The following PPARGC1B variants were observed in gnomAD, a reference collection of about 807,000 sequenced individuals.
PPARGC1B encodes peroxisome proliferator-activated receptor gamma coactivator 1-beta.
A neutral mutation model predicts 101.6 loss-of-function variants in PPARGC1B; 34 were observed. That is an observed-to-expected ratio of 0.33 (90% CI 0.25 to 0.45). The LOEUF is 0.45. Ranked by LOEUF, PPARGC1B falls within the 20% of genes least tolerant of loss-of-function variation. The pLI, the probability that PPARGC1B is intolerant of heterozygous loss-of-function variation, is 1.00. For missense variants in PPARGC1B, 1,234 were observed against 1,317.6 expected (o/e 0.94, Z 0.98); for synonymous variants, 548 against 539.3 (o/e 1.02, Z -0.22).
chr5:149,826,854 C>T lies in PPARGC1B; in HGVS notation c.434C>T (p.Ala145Val). 1.2e-6 allele frequency: 2 copies of T among 1,613,104 alleles called. No homozygotes were observed. Among genetic ancestry groups the T allele is most frequent in the Non-Finnish European group, 1.7e-6 (2 of 1,179,294 alleles). Reference sequence around the variant, plus strand: ...AGCCCTGCCCCGGAGAAGCCCTCGGCCCCAGCCCCTGAGGTGGACGAGCTC... The same window carrying T: ...AGCCCTGCCCCGGAGAAGCCCTCGGTCCCAGCCCCTGAGGTGGACGAGCTC... ...PPSPAPEKPS[A>V]PAPEVDELSL... Residue 145 changes from alanine to valine, a missense_variant, in exon 3 of 12, where the codon GCC becomes GTC. Ala to Val is a moderately conservative substitution (Grantham distance 64). Transcript: ENST00000309241.
intron 1 of PPARGC1B, among the ~76,000 whole-genome samples, chr5:149,749,404 T>C (rs1341160436): frequency 5.3e-5 from 8 of 152,202 alleles, no homozygotes; most frequent in Non-Finnish European, 1.2e-4. Flanking sequence ...ATGTGAGACT[T>C]GTGGCCCTTC....
intron 1 of PPARGC1B, among the ~76,000 whole-genome samples, chr5:149,807,134 ATT>A (rs113728426): frequency 1.6e-4 from 22 of 138,808 alleles, no homozygotes; most frequent in Admixed American, 2.2e-4. Context: ...CAATTTTTGT[ATT>A]TTTTTTTTTT....
rs529141146 is a variant in PPARGC1B at position 149,815,535 on chromosome 5, C to A, written c.79-4898C>A. On this transcript the variant is annotated intron_variant, in intron 1 of 11. Transcript: ENST00000309241. ...TCCTTTGTTATGGAAGCCCTAGCAA[C>A]CTAATTTATTTATTTATTTACTTAC... 1.6e-4 allele frequency among the ~76,000 whole-genome samples: 25 copies of A among 151,818 alleles called. No homozygotes were observed. The South Asian group carries it at 5.0e-3, about 30-fold the overall frequency.
rs11957489 is a variant in PPARGC1B, at chr5:149,825,257, G to C, written c.253-1416G>C. Among the ~76,000 whole-genome samples the C allele has an allele frequency of 4.2e-3, 642 of 152,372 alleles. 2 individuals are homozygous for C. Among genetic ancestry groups the C allele is most frequent in the African/African-American group, 0.015 (605 of 41,596 alleles). Reference sequence around the variant, plus strand: ...GGGCACTCTTGCTGTCCAAGTCCTGGCTTTGGACGTTATTTGCTATGTGAC... The same window carrying C: ...GGGCACTCTTGCTGTCCAAGTCCTGCCTTTGGACGTTATTTGCTATGTGAC... On this transcript the variant is annotated intron_variant, in intron 2 of 11. Coordinates refer to ENST00000309241, the MANE Select transcript of PPARGC1B (RefSeq NM_133263.4).
At chr5:149,762,681 A>G (rs1431891651) in intron 1 of PPARGC1B, among the ~76,000 whole-genome samples, 1 of 152,154 alleles carries the variant, frequency 6.6e-6, no homozygotes, top group Non-Finnish European at 1.5e-5. Flanking sequence ...CAAGGTGCTC[A>G]CTGTTCTGGA....
intron 1 of PPARGC1B, among the ~76,000 whole-genome samples, chr5:149,782,515 T>C (rs1344722993): frequency 6.6e-6 from 1 of 152,200 alleles, no homozygotes; most frequent in African/African-American, 2.4e-5. Flanking sequence ...CGAGTGGGCC[T>C]GGACGGCTGA....
chr5:149,780,933 G>C (rs146233758), intron 1 of PPARGC1B, among the ~76,000 whole-genome samples: 3,015 of 152,346 alleles, frequency 0.02, 68 homozygotes, highest in Non-Finnish European at 0.026. Context: ...GCAGGGCGCG[G>C]TGGCTCATGC....
At chr5:149,830,401 ATG>A (rs143687897) in intron 3 of PPARGC1B, among the ~76,000 whole-genome samples, 6 of 151,044 alleles carry the variant, frequency 4.0e-5, no homozygotes, top group South Asian at 4.2e-4. Flanking sequence ...GATTGTGTGT[ATG>A]TGTGTGTGTG....
intron 1 of PPARGC1B, 83 bp from the exon 2 acceptor site, chr5:149,820,350 A>G: frequency 1.5e-6 from 2 of 1,340,138 alleles, no homozygotes; most frequent in South Asian, 1.3e-5. Context: ...GGTCCAGATT[A>G]GCTGCATCAT....
chr5:149,826,624 A>G (rs375537108), intron 2 of PPARGC1B, 49 bp from the exon 3 acceptor site: 1 of 1,434,462 alleles, frequency 7.0e-7, no homozygotes. Flanking sequence ...GGTGGTGACT[A>G]ACCATCTCCC....
At chr5:149,737,312 T>C (rs1754755245) in intron 1 of PPARGC1B, among the ~76,000 whole-genome samples, 4 of 152,214 alleles carry the variant, frequency 2.6e-5, no homozygotes, top group African/African-American at 9.6e-5. Context: ...CGGGTACTTT[T>C]AAGTTGGAGA....
intron 1 of PPARGC1B, among the ~76,000 whole-genome samples, chr5:149,778,280 C>G (rs1756469461): frequency 6.6e-6 from 1 of 151,920 alleles, no homozygotes; most frequent in African/African-American, 2.4e-5. Flanking sequence ...GTGAGGAGGC[C>G]TGGGTTCCTG....
chr5:149,814,068 A>G (rs926996354), intron 1 of PPARGC1B, among the ~76,000 whole-genome samples: 1 of 152,218 alleles, frequency 6.6e-6, no homozygotes, highest in African/African-American at 2.4e-5. Context: ...ACCACCACTC[A>G]TGGATGTCTG....
chr5:149,753,667 A>G (rs1755401200), intron 1 of PPARGC1B, among the ~76,000 whole-genome samples: 1 of 152,102 alleles, frequency 6.6e-6, no homozygotes, highest in Admixed American at 6.6e-5. Flanking sequence ...GGAATTGCTC[A>G]GTTAAAAGGT....
Position 149,836,427 on chromosome 5 carries a change from C to A in PPARGC1B, c.1972C>A (p.His658Asn). 1.9e-6 allele frequency: 3 copies of A among 1,614,148 alleles called. No homozygotes were observed. Among genetic ancestry groups the A allele is most frequent in the Non-Finnish European group, 2.5e-6 (3 of 1,180,034 alleles). The change falls in exon 8 of 12, where the codon CAC (histidine) becomes AAC (asparagine). Residue 658 changes from histidine (H) to asparagine (N), a missense_variant. His to Asn is a moderately conservative substitution (Grantham distance 68). Around this residue, in one of 3 missense-constraint regions of PPARGC1B, gnomAD observed 497 missense variants for 529.5 expected, o/e 0.94. Transcript: ENST00000309241. ...GGCTGCCCACAAGCTGCCAAAGAAG[C>A]ACCCAGAGCGAAGTGAGCTCCTGTC... ...PGAAHKLPKK[H>N]PERSELLSHL...
chr5:149,767,766 G>A (rs796605075), intron 1 of PPARGC1B, among the ~76,000 whole-genome samples: 28 of 151,884 alleles, frequency 1.8e-4, no homozygotes, highest in African/African-American at 6.5e-4. Flanking sequence ...CTACACCAGC[G>A]GTCTCCAACT....
chr5:149,769,568 G>A (rs1462607903), intron 1 of PPARGC1B, among the ~76,000 whole-genome samples: 3 of 152,164 alleles, frequency 2.0e-5, no homozygotes, highest in Non-Finnish European at 4.4e-5. Context: ...TGGGCTTCAG[G>A]TTTCTCACTT....
At chr5:149,840,451 G>A (rs78082687) in intron 9 of PPARGC1B, among the ~76,000 whole-genome samples, 2,595 of 152,138 alleles carry the variant, frequency 0.017, 61 homozygotes, top group African/African-American at 0.059. Context: ...GAGCCAGGCT[G>A]GCCAGGTTAC....
At chr5:149,744,195 A>G (rs1295445004) in intron 1 of PPARGC1B, among the ~76,000 whole-genome samples, 1 of 152,198 alleles carries the variant, frequency 6.6e-6, no homozygotes, top group Non-Finnish European at 1.5e-5. Context: ...GAATCTCCTC[A>G]TATGTTGCAC....
Sources: gnomAD v4.1 joint callset for allele counts (sites outside exome capture counted in the v4.1 genomes callset) on GRCh38, gnomAD v4.1.1 for gene constraint, gnomAD v4.1.1 regional missense constraint, MANE v1.5 for transcripts, NCBI Gene and HGNC (gene_info 2026-07-23, HGNC 2026-07-21) for gene names.